Variants in GDAP2 observed in about 807,000 individuals in gnomAD.
The protein encoded by GDAP2 is ganglioside induced differentiation associated protein 2, also known as ganglioside-induced differentiation-associated protein 2.
GDAP2 carries 51 observed loss-of-function variants against 67.0 expected under a neutral mutation model. That is an observed-to-expected ratio of 0.76 (90% CI 0.61 to 0.96). The LOEUF (loss-of-function observed/expected upper bound fraction) is 0.96. Ranked by LOEUF, GDAP2 falls within the 40% of genes least tolerant of loss-of-function variation. GDAP2 has a pLI of 0.00. For synonymous variants in GDAP2, 203 were observed against 207.3 expected (o/e 0.98, Z 0.18); for missense variants, 547 against 588.3 (o/e 0.93, Z 0.73).
At chr1:117,900,549 C>T (rs1649414921) in intron 6 of GDAP2, among the ~76,000 whole-genome samples, 1 of 152,234 alleles carries the variant, frequency 6.6e-6, no homozygotes, top group African/African-American at 2.4e-5. Flanking sequence ...GGAGGTATCA[C>T]GAGGTCAGGA....
chr1:117,879,716 G>C (rs1648586219), intron 12 of GDAP2, among the ~76,000 whole-genome samples: 1 of 152,122 alleles, frequency 6.6e-6, no homozygotes, highest in Non-Finnish European at 1.5e-5. Context: ...TAGAACCCAG[G>C]TAATCTGAAT....
chr1:117,864,359 G>A lies in GDAP2; in HGVS notation c.*6210C>T, dbSNP rs1270896626. On this transcript the variant is annotated 3_prime_UTR_variant, in exon 14 of 14. Transcript: ENST00000369443. ...GGGGAATGATGGATTCAGGCTAGATGAGGACCAAATAACATCACTATGTGC... is the reference window on the plus strand; with the variant it reads ...GGGGAATGATGGATTCAGGCTAGATAAGGACCAAATAACATCACTATGTGC... 6.6e-6 allele frequency: 1 copy of A among 152,170 alleles called. No homozygotes were observed. The highest frequency in any genetic ancestry group is 1.5e-5 in the Non-Finnish European group (1 of 68,036). 9.4% of individuals were successfully genotyped at this position (152,170 alleles called of 1,614,324 possible).
intron 13 of GDAP2, among the ~76,000 whole-genome samples, chr1:117,872,897 C>G (rs1220009233): frequency 1.3e-5 from 2 of 152,056 alleles, no homozygotes; most frequent in African/African-American, 4.8e-5. Context: ...GTTTCACTGA[C>G]CAAATCCTTT....
rs1557802391 is a variant in GDAP2 at position 117,899,043 on chromosome 1, G to C, written c.796+14C>G. 6.2e-7 allele frequency: 1 copy of C among 1,607,526 alleles called. No homozygotes were observed. The highest frequency in any genetic ancestry group is 8.5e-7 in the Non-Finnish European group (1 of 1,174,220). ...TAAGAGGGAGATTTAAAAAGTTAGA[G>C]CTCTAGAACTCACCTTCTGGAGCAC... On this transcript the variant is annotated intron_variant, in intron 7 of 13. Coordinates refer to ENST00000369443, the MANE Select transcript of GDAP2 (RefSeq NM_017686.4).
chr1:117,909,101 C>T (rs1326379187), intron 5 of GDAP2, among the ~76,000 whole-genome samples: 1 of 152,174 alleles, frequency 6.6e-6, no homozygotes, highest in Non-Finnish European at 1.5e-5. Flanking sequence ...TTCAAAGTTT[C>T]ATCTGTGCAC....
Position 117,878,257 on chromosome 1 carries a change from TA to T in GDAP2, c.1303-106del, listed in dbSNP as rs1570965296. 7.1e-6 allele frequency: 4 copies of T among 561,718 alleles called. No individual in the cohort carries two copies. In the East Asian group the frequency reaches 1.2e-4, roughly 17 times the overall value. 34.8% of individuals were successfully genotyped at this position (561,718 alleles called of 1,614,324 possible). On this transcript the variant is annotated intron_variant, in intron 12 of 13. Transcript: ENST00000369443. ...AGATAAAAACTATATTTCAAAGTCT[TA>T]AAATAACTAGTGTTTTCAAAGCGCA...
At chr1:117,907,597 G>A (rs1387591576) in intron 5 of GDAP2, among the ~76,000 whole-genome samples, 1 of 152,138 alleles carries the variant, frequency 6.6e-6, no homozygotes, top group Non-Finnish European at 1.5e-5. Flanking sequence ...AATTGTCTTT[G>A]ATGCTTCCTT....
At chr1:117,928,283 C>T (rs1472693955) in intron 1 of GDAP2, among the ~76,000 whole-genome samples, 1 of 152,180 alleles carries the variant, frequency 6.6e-6, no homozygotes, top group African/African-American at 2.4e-5. Flanking sequence ...CATGTCTTGA[C>T]AATAATTATT....
At chr1:117,908,560 T>C (rs1033853282) in intron 5 of GDAP2, among the ~76,000 whole-genome samples, 1 of 152,192 alleles carries the variant, frequency 6.6e-6, no homozygotes, top group Non-Finnish European at 1.5e-5. Context: ...TGGAGGCTCA[T>C]GGCTATAATC....
At chr1:117,891,667 C>T (rs1200196035) in intron 8 of GDAP2, among the ~76,000 whole-genome samples, 2 of 152,074 alleles carry the variant, frequency 1.3e-5, no homozygotes, top group Non-Finnish European at 2.9e-5. Context: ...TGAATATCTG[C>T]CCCCATTCCG....
In GDAP2 at chr1:117,912,569, G is replaced by A; in HGVS notation, c.431C>T (p.Ser144Phe). Residue 144 changes from serine (S) to phenylalanine (F), a missense_variant, in exon 4 of 14, where the codon TCC (serine) becomes TTC (phenylalanine). Ser to Phe is a radical substitution (Grantham distance 155). Transcript: ENST00000369443. ...TACGTTTCTGTAGCAGCTATAAAGG[G>A]AACTCTCAGCTGCTGTGCGATAGCG... is the stretch of plus-strand genomic sequence containing the variant. ...KSRYRTAAESSLYSCYRNVLQ... is the reference protein window; with the variant it reads ...KSRYRTAAESFLYSCYRNVLQ... The A allele has an allele frequency of 6.2e-7, 1 of 1,613,438 alleles. No homozygotes were observed. The highest frequency in any genetic ancestry group is 1.1e-5 in the South Asian group (1 of 91,066).
At chr1:117,899,473 T>G (rs918788654) in intron 6 of GDAP2, among the ~76,000 whole-genome samples, 1 of 152,104 alleles carries the variant, frequency 6.6e-6, no homozygotes, top group Non-Finnish European at 1.5e-5. Context: ...AATGCATAAG[T>G]CCTGCCACTC....
chr1:117,891,543 T>C (rs1327277757), intron 8 of GDAP2, among the ~76,000 whole-genome samples: 1 of 152,124 alleles, frequency 6.6e-6, no homozygotes, highest in Non-Finnish European at 1.5e-5. Flanking sequence ...GACTTGATTC[T>C]ATGAGATGCC....
intron 8 of GDAP2, 39 bp downstream of exon 8, chr1:117,896,794 T>G (rs773028280): frequency 6.9e-7 from 1 of 1,442,876 alleles, no homozygotes; most frequent in Non-Finnish European, 9.4e-7. Flanking sequence ...TTGCTTCTGA[T>G]GTCCTTATGT....
intron 5 of GDAP2, among the ~76,000 whole-genome samples, chr1:117,907,937 TC>T (rs1450848051): frequency 6.6e-6 from 1 of 152,112 alleles, no homozygotes; most frequent in Non-Finnish European, 1.5e-5. Context: ...CTGTCCACTT[TC>T]CCCCACTCAG....
At chr1:117,873,607 G>T (rs1211460442) in intron 13 of GDAP2, among the ~76,000 whole-genome samples, 4 of 152,002 alleles carry the variant, frequency 2.6e-5, no homozygotes, top group Non-Finnish European at 5.9e-5. Context: ...CTACCTACTG[G>T]TATCTCCATT....
At chr1:117,890,494 A>G (rs1393004710) in intron 8 of GDAP2, among the ~76,000 whole-genome samples, 1 of 152,118 alleles carries the variant, frequency 6.6e-6, no homozygotes, top group African/African-American at 2.4e-5. Flanking sequence ...ACAAAATGGA[A>G]TACATCATCT....
At position 117,918,686 on chromosome 1, in the gene GDAP2, T is replaced by C. The variant is rs1294199712; in HGVS notation, c.227A>G (p.Asn76Ser). Residue 76 changes from asparagine (N) to serine (S), a missense_variant, in exon 3 of 14, where the codon AAT becomes AGT. Asn to Ser is a conservative substitution (Grantham distance 46). Transcript: ENST00000369443. The stretch of plus-strand genomic sequence containing the variant: ...AGGATTCTTATCTGTGAGACTTTCA[T>C]TGCTGGTATTCACAATGGCTGTACA... ...LNCTAIVNTS[N>S]ESLTDKNPVS... 1 of 1,599,628 alleles carries C rather than the reference T, an allele frequency of 6.3e-7. No individual in the cohort carries two copies. The highest frequency in any genetic ancestry group is 8.6e-7 in the Non-Finnish European group (1 of 1,166,828).
At chr1:117,898,059 A>G (rs767140752) in intron 7 of GDAP2, among the ~76,000 whole-genome samples, 20 of 152,234 alleles carry the variant, frequency 1.3e-4, no homozygotes, top group Non-Finnish European at 1.2e-4. Context: ...GAATGCAAAT[A>G]AAACACTCTG....
Sources: allele counts gnomAD v4.1 joint callset (sites outside exome capture counted in the v4.1 genomes callset), GRCh38; gene constraint gnomAD v4.1.1; transcripts MANE v1.5; gene names NCBI Gene and HGNC (gene_info 2026-07-23, HGNC 2026-07-21).